The following CORO2A variants were observed in gnomAD, a reference collection of about 807,000 sequenced individuals.
CORO2A encodes the protein coronin-2A.
Under a neutral mutation model 62.4 loss-of-function variants are expected in CORO2A, and 47 were observed. The ratio of observed to expected loss-of-function variants is 0.75; its 90% CI spans 0.60 to 0.96. The LOEUF (loss-of-function observed/expected upper bound fraction) is 0.96, where lower values mean the gene tolerates loss of function less well. CORO2A is among the 40% of genes least tolerant of loss of function. The pLI is 0.00. For missense variants in CORO2A, 610 were observed against 684.1 expected (o/e 0.89, Z 1.21); for synonymous variants, 273 against 268.9 (o/e 1.02, Z -0.15).
chr9:98,152,126 G>GTTTTT (rs3055383), intron 2 of CORO2A, among the ~76,000 whole-genome samples: 284 of 142,086 alleles, frequency 2.0e-3, no homozygotes, highest in African/African-American at 6.9e-3. Context: ...CTCTTTTGCT[G>GTTTTT]TTTTTTTTTT....
At chr9:98,159,342 C>T (rs1213837314) in intron 1 of CORO2A, among the ~76,000 whole-genome samples, 2 of 152,184 alleles carry the variant, frequency 1.3e-5, no homozygotes, top group East Asian at 3.9e-4. Flanking sequence ...GCCACTGCCC[C>T]TGGCCTCACA....
At chr9:98,126,478 T>C (rs1300290538) in intron 11 of CORO2A, 71 bp downstream of exon 11, 35 of 1,545,426 alleles carry the variant, frequency 2.3e-5, no homozygotes, top group Non-Finnish European at 3.0e-5. Flanking sequence ...TCTCCCTTCT[T>C]CTCAGCCTGG....
chr9:98,168,803 C>G (rs1539288), intron 1 of CORO2A, among the ~76,000 whole-genome samples: 71,522 of 152,178 alleles, frequency 0.47, 17,013 homozygotes, highest in African/African-American at 0.53. Context: ...GAAGCAGCCT[C>G]CCAGGGGCCA....
chr9:98,157,753 C>T (rs144873844), intron 1 of CORO2A, 93 bp from the exon 2 acceptor site: 32 of 1,216,844 alleles, frequency 2.6e-5, no homozygotes, highest in East Asian at 9.4e-5. Flanking sequence ...TAAGAGGGTA[C>T]GAGCAGGACA....
chr9:98,157,948 C>T (rs1338523823), intron 1 of CORO2A, among the ~76,000 whole-genome samples: 1 of 152,144 alleles, frequency 6.6e-6, no homozygotes, highest in Non-Finnish European at 1.5e-5. Context: ...GCAGAAGAAC[C>T]ATAGAGAGAA....
chr9:98,190,204 A>G (rs1412401812), intron 1 of CORO2A, among the ~76,000 whole-genome samples: 5 of 152,158 alleles, frequency 3.3e-5, no homozygotes, highest in Non-Finnish European at 5.9e-5. Flanking sequence ...CTTCTTACAA[A>G]TAACAGCACT....
At chr9:98,191,112 G>A (rs941654098) in intron 1 of CORO2A, among the ~76,000 whole-genome samples, 1 of 152,226 alleles carries the variant, frequency 6.6e-6, no homozygotes, top group Non-Finnish European at 1.5e-5. Flanking sequence ...AAGGGGACAA[G>A]AAAGACCAGG....
intron 2 of CORO2A, among the ~76,000 whole-genome samples, chr9:98,138,271 C>T (rs530455944): frequency 1.5e-4 from 23 of 152,002 alleles, no homozygotes; most frequent in East Asian, 7.8e-4. Flanking sequence ...AAAAATTAGC[C>T]GGGCGTGGTA....
At chr9:98,175,841 A>T (rs937092931) in intron 1 of CORO2A, among the ~76,000 whole-genome samples, 1 of 152,198 alleles carries the variant, frequency 6.6e-6, no homozygotes, top group African/African-American at 2.4e-5. Flanking sequence ...AAATGAGTTA[A>T]TATCTGTCAA....
intron 2 of CORO2A, among the ~76,000 whole-genome samples, chr9:98,154,329 G>GTGTGTA (rs1439685527): frequency 1.1e-5 from 1 of 88,958 alleles, no homozygotes; most frequent in African/African-American, 5.4e-5. Context: ...GTGTTTGTGT[G>GTGTGTA]TATATATATA....
At chr9:98,184,046 G>A (rs1828208755) in intron 1 of CORO2A, among the ~76,000 whole-genome samples, 1 of 152,138 alleles carries the variant, frequency 6.6e-6, no homozygotes, top group Admixed American at 6.5e-5. Context: ...ATGACTTAAA[G>A]TATACAGGAG....
chr9:98,181,552 C>T (rs550627782), intron 1 of CORO2A, among the ~76,000 whole-genome samples: 19 of 152,148 alleles, frequency 1.2e-4, no homozygotes, highest in Non-Finnish European at 1.6e-4. Context: ...AATATGTAAA[C>T]GTGAGCAGAC....
At chr9:98,188,454 T>TC (rs1033982607) in intron 1 of CORO2A, among the ~76,000 whole-genome samples, 40 of 152,272 alleles carry the variant, frequency 2.6e-4, no homozygotes, top group African/African-American at 8.2e-4. Flanking sequence ...CTTCCCCCTT[T>TC]CCCCAGCACT....
intron 1 of CORO2A, among the ~76,000 whole-genome samples, chr9:98,162,919 G>C (rs74563327): frequency 0.084 from 12,745 of 152,280 alleles, 720 homozygotes; most frequent in Middle Eastern, 0.13. Flanking sequence ...CAGAACAGCC[G>C]ATTCGAGCCA....
chr9:98,177,457 G>GTTTTTTTTT (rs1174402008), intron 1 of CORO2A, among the ~76,000 whole-genome samples: 5 of 98,308 alleles, frequency 5.1e-5, no homozygotes, highest in African/African-American at 1.8e-4. Flanking sequence ...TCCAAACTTT[G>GTTTTTTTTT]TTTTTTTTTT....
intron 1 of CORO2A, among the ~76,000 whole-genome samples, chr9:98,166,082 C>A (rs1056537846): frequency 9.2e-5 from 14 of 152,228 alleles, no homozygotes; most frequent in Non-Finnish European, 8.8e-5. Context: ...ATGAAACCCA[C>A]TGTTGACCGA....
At chr9:98,128,801 G>C in intron 8 of CORO2A, 82 bp from the exon 9 acceptor site, 1 of 1,066,404 alleles carries the variant, frequency 9.4e-7, no homozygotes, top group Non-Finnish European at 1.4e-6. Flanking sequence ...TGCACACCTG[G>C]ACCTGAACAG....
rs544143440 is a variant in CORO2A, at chr9:98,151,667, A to G, written c.201+5793T>C. ...TAACACTTTCAACTTTTCTTTCGCT[A>G]TTTTTCTTTTTTTGAGACGGAATTT... On this transcript the variant is annotated intron_variant, in intron 2 of 11. Coordinates refer to ENST00000375077, the MANE Select transcript of CORO2A (RefSeq NM_052820.4). Among the ~76,000 whole-genome samples the G allele has an allele frequency of 2.0e-5, 3 of 151,516 alleles. No individual in the cohort carries two copies. In the South Asian group the frequency reaches 6.3e-4, roughly 32 times the overall value.
At chr9:98,126,855 G>A in intron 10 of CORO2A, 32 bp from the exon 11 acceptor site, 1 of 1,613,292 alleles carries the variant, frequency 6.2e-7, no homozygotes, top group South Asian at 1.1e-5. Context: ...GTGAGGACGG[G>A]GTGCCCACGG....
Sources: allele counts gnomAD v4.1 joint callset (sites outside exome capture counted in the v4.1 genomes callset), GRCh38; gene constraint gnomAD v4.1.1; transcripts MANE v1.5; gene names NCBI Gene and HGNC (gene_info 2026-07-23, HGNC 2026-07-21).